SNX27: variants seen among roughly 807,000 people sequenced by gnomAD.
The protein encoded by SNX27 is sorting nexin 27, also known as sorting nexin-27.
In SNX27, 22 loss-of-function variants were observed where a neutral mutation model predicts 71.6. The ratio of observed to expected loss-of-function variants is 0.31; its 90% confidence interval spans 0.22 to 0.44. The LOEUF (loss-of-function observed/expected upper bound fraction) is 0.44, where lower values mean the gene tolerates loss of function less well. Among genes scored for constraint, SNX27 ranks in the 20% least tolerant of loss-of-function variants. The pLI is 1.00. For missense variants in SNX27, 531 were observed against 698.6 expected (o/e 0.76, Z 2.70); for synonymous variants, 269 against 277.2 (o/e 0.97, Z 0.29).
intron 2 of SNX27, among the ~76,000 whole-genome samples, chr1:151,649,813 C>A (rs56130043): frequency 0.19 from 28,983 of 152,012 alleles, 3,114 homozygotes; most frequent in Middle Eastern, 0.34. Context: ...TCAAGTGATC[C>A]TCCTGACTCA....
At chr1:151,630,691 A>G (rs1668185548) in intron 1 of SNX27, among the ~76,000 whole-genome samples, 1 of 152,150 alleles carries the variant, frequency 6.6e-6, no homozygotes, top group South Asian at 2.1e-4. Context: ...TTATATCTCA[A>G]GAGTTTAAGG....
intron 2 of SNX27, among the ~76,000 whole-genome samples, chr1:151,654,838 G>T (rs556483956): frequency 1.3e-5 from 2 of 152,242 alleles, no homozygotes. Flanking sequence ...AATCACGAGA[G>T]TTTTGCCATT....
At chr1:151,692,312 G>A (rs926198029) in intron 8 of SNX27, 123 bp from the exon 9 acceptor site, 142 of 1,277,378 alleles carry the variant, frequency 1.1e-4, no homozygotes, top group Admixed American at 6.0e-4. Flanking sequence ...AGGTTGTTGG[G>A]TGAGAATACT....
intron 7 of SNX27, among the ~76,000 whole-genome samples, chr1:151,672,539 C>G (rs1355196813): frequency 6.6e-6 from 1 of 151,996 alleles, no homozygotes; most frequent in African/African-American, 2.4e-5. Flanking sequence ...CTCCTCCTCT[C>G]TTTTTTTGAA....
In SNX27 at chr1:151,692,518, C is replaced by T. The variant is rs758182367; in HGVS notation, c.1323C>T (p.His441=). ...CCTGTGACTCCAGGAGGAAGGGGCA[C>T]GTTATCACAGCCATCAGCATCACGC... ...HCACDSRRKG[H]VITAISITHF... The change falls in exon 9 of 12, where the codon CAC becomes CAT. Residue 441 remains histidine, a synonymous_variant. Coordinates refer to ENST00000458013, the MANE Select transcript of SNX27 (RefSeq NM_001330723.2). The T allele has an allele frequency of 2.7e-5, 43 of 1,601,484 alleles. No homozygotes were observed. The highest frequency in any genetic ancestry group is 3.3e-5 in the Non-Finnish European group (39 of 1,173,912).
At chr1:151,659,774 A>G (rs1669873992) in intron 3 of SNX27, 1 of 152,240 alleles carries the variant, frequency 6.6e-6, no homozygotes, top group African/African-American at 2.4e-5. Flanking sequence ...AGATCTCCTC[A>G]ATAAGATAGC....
In SNX27 at chr1:151,612,050, A is replaced by T; in HGVS notation, c.-152A>T. ...TTCGCCCGCCCCCTGCCTCCTCTTC[A>T]CCCCGCGCCAGCAGCTCGGTGGCCG... On this transcript the variant is annotated 5_prime_UTR_variant, in exon 1 of 12. Coordinates refer to ENST00000458013, the MANE Select transcript of SNX27 (RefSeq NM_001330723.2). The surrounding 1 kb of genome is among the most constrained non-coding windows in gnomAD (Gnocchi z 5.2). 2 of 839,294 alleles carry T rather than the reference A, an allele frequency of 2.4e-6. No homozygotes were observed. Among genetic ancestry groups the T allele is most frequent in the Non-Finnish European group, 3.3e-6 (2 of 612,792 alleles). The allele number at this position is 839,294 out of a possible 1,614,324, so 52.0% of individuals were successfully genotyped here. A position where few individuals can be genotyped will look rare whatever the true frequency, so the allele number is the denominator to read the frequency against.
intron 1 of SNX27, among the ~76,000 whole-genome samples, chr1:151,624,706 A>C (rs1330613326): frequency 6.6e-6 from 1 of 152,192 alleles, no homozygotes; most frequent in African/African-American, 2.4e-5. Flanking sequence ...AGCTGGGATT[A>C]CAGACATGAG....
At chr1:151,685,189 A>G (rs1320813855) in intron 8 of SNX27, among the ~76,000 whole-genome samples, 1 of 152,126 alleles carries the variant, frequency 6.6e-6, no homozygotes, top group Non-Finnish European at 1.5e-5. Context: ...TTGAAGTACA[A>G]TGTCTACTGC....
At chr1:151,654,383 A>G (rs1669577491) in intron 2 of SNX27, among the ~76,000 whole-genome samples, 1 of 151,906 alleles carries the variant, frequency 6.6e-6, no homozygotes, top group Non-Finnish European at 1.5e-5. Context: ...TCGGCCTTGT[A>G]TCTGTGGTTA....
chr1:151,676,288 T>C (rs1319776098), intron 7 of SNX27: 9 of 16,544 alleles, frequency 5.4e-4, no homozygotes, highest in African/African-American at 2.6e-3. Flanking sequence ...TTTTTTTTTT[T>C]TTTTTTTTTT....
At chr1:151,659,706 A>C (rs1325995723) in intron 3 of SNX27, 1 of 152,226 alleles carries the variant, frequency 6.6e-6, no homozygotes, top group African/African-American at 2.4e-5. Flanking sequence ...ATACATCAGG[A>C]GTCTGTGGAT....
intron 7 of SNX27, among the ~76,000 whole-genome samples, chr1:151,671,114 C>T (rs184036005): frequency 6.6e-6 from 1 of 152,144 alleles, no homozygotes; most frequent in African/African-American, 2.4e-5. Flanking sequence ...ATTTGTTTCT[C>T]AGTTCTTTAT....
intron 2 of SNX27, among the ~76,000 whole-genome samples, chr1:151,654,449 A>T (rs1669580745): frequency 6.6e-6 from 1 of 151,828 alleles, no homozygotes; most frequent in South Asian, 2.1e-4. Context: ...TCTGCTTGGT[A>T]ACAGTGGAGG....
At chr1:151,687,392 G>A (rs958067362) in intron 8 of SNX27, among the ~76,000 whole-genome samples, 9 of 152,204 alleles carry the variant, frequency 5.9e-5, no homozygotes, top group African/African-American at 2.2e-4. Flanking sequence ...CATTTACTAA[G>A]CCAGAATCTC....
chr1:151,692,432 T>TTTTAAAAAA lies in SNX27; in HGVS notation c.1240-3_1240-2insTTTAAAAAA. On this transcript the variant is annotated splice_polypyrimidine_tract_variant and splice_region_variant and intron_variant, in intron 8 of 11. Coordinates refer to ENST00000458013, the MANE Select transcript of SNX27 (RefSeq NM_001330723.2). The stretch of plus-strand genomic sequence containing the variant: ...TTTTTTTTTTTTTTTTTTTTTTTTT[T>TTTTAAAAAA]AGTACCTCAACATGCTAAGGACTTG... 1 of 1,452,070 alleles carries TTTTAAAAAA rather than the reference T, an allele frequency of 6.9e-7. No individual in the cohort carries two copies. Among genetic ancestry groups the TTTTAAAAAA allele is most frequent in the Non-Finnish European group, 9.1e-7 (1 of 1,101,928 alleles). 89.9% of individuals were successfully genotyped at this position (1,452,070 alleles called of 1,614,324 possible).
In SNX27 at chr1:151,695,023, T is replaced by C. The variant is rs1671636619; in HGVS notation, c.*606T>C. The C allele has an allele frequency of 6.6e-6, 1 of 152,666 alleles. No individual in the cohort carries two copies. The highest frequency in any genetic ancestry group is 1.5e-5 in the Non-Finnish European group (1 of 68,044). The allele number at this position is 152,666 out of a possible 1,614,324, so 9.5% of individuals were successfully genotyped here. ...CTCCTCATGAAGGACTTGAAAAGTT[T>C]ACAACCTGCTTGGATTTTTGCCCCT... is the stretch of plus-strand genomic sequence containing the variant. On this transcript the variant is annotated 3_prime_UTR_variant, in exon 12 of 12. Coordinates refer to ENST00000458013, the MANE Select transcript of SNX27 (RefSeq NM_001330723.2).
intron 8 of SNX27, 74 bp from the exon 9 acceptor site, chr1:151,692,361 T>C (rs891788892): frequency 1.4e-6 from 2 of 1,439,384 alleles, no homozygotes; most frequent in Non-Finnish European, 1.8e-6. Flanking sequence ...AATAGCTCTT[T>C]ATTGTGTTTA....
At chr1:151,643,443 T>A (rs943583609) in intron 2 of SNX27, among the ~76,000 whole-genome samples, 1 of 150,484 alleles carries the variant, frequency 6.6e-6, no homozygotes, top group African/African-American at 2.4e-5. Context: ...TACAGGCACA[T>A]AGCACTGCGT....
Sources: allele counts gnomAD v4.1 joint callset (sites outside exome capture counted in the v4.1 genomes callset), GRCh38; gene constraint gnomAD v4.1.1; non-coding constraint Gnocchi (gnomAD v3.1); transcripts MANE v1.5; gene names NCBI Gene and HGNC (gene_info 2026-07-23, HGNC 2026-07-21).